Variants in PRKCE observed in about 807,000 individuals in gnomAD.
The protein encoded by PRKCE is protein kinase C epsilon.
A neutral mutation model predicts 85.4 loss-of-function variants in PRKCE; 16 were observed. The ratio of observed to expected loss-of-function variants is 0.19; its 90% confidence interval spans 0.13 to 0.28. The LOEUF (loss-of-function observed/expected upper bound fraction) is 0.28. PRKCE is among the 10% of genes least tolerant of loss of function. PRKCE has a pLI of 1.00. For synonymous variants in PRKCE, 388 were observed against 371.5 expected (o/e 1.04, Z -0.51); for missense variants, 573 against 975.2 (o/e 0.59, Z 5.49).
intron 2 of PRKCE, among the ~76,000 whole-genome samples, chr2:45,953,840 CG>C (rs1700794323): frequency 6.6e-6 from 1 of 152,128 alleles, no homozygotes; most frequent in African/African-American, 2.4e-5. Flanking sequence ...GTTGAGAGCC[CG>C]TGTTGTGCAA....
At chr2:46,055,390 G>A (rs1411541999) in intron 10 of PRKCE, among the ~76,000 whole-genome samples, 1 of 152,228 alleles carries the variant, frequency 6.6e-6, no homozygotes, top group Non-Finnish European at 1.5e-5. Context: ...CGAAGCGGCT[G>A]GCTAGTTCTA....
At chr2:45,850,224 T>C (rs968484242) in intron 2 of PRKCE, among the ~76,000 whole-genome samples, 4 of 152,248 alleles carry the variant, frequency 2.6e-5, no homozygotes, top group East Asian at 3.8e-4. Flanking sequence ...AGCGTAGATA[T>C]ATATTTCCTT....
intron 11 of PRKCE, among the ~76,000 whole-genome samples, chr2:46,113,447 A>C (rs749254340): frequency 7.9e-5 from 12 of 152,208 alleles, no homozygotes; most frequent in Non-Finnish European, 1.8e-4. Context: ...CAGGGGCCCA[A>C]ATCATAGATA....
intron 2 of PRKCE, among the ~76,000 whole-genome samples, chr2:45,953,854 T>G (rs2711293): frequency 0.77 from 117,762 of 152,126 alleles, 45,890 homozygotes; most frequent in South Asian, 0.88. Flanking sequence ...TTGTGCAATA[T>G]TAGTCCTAAT....
chr2:46,062,668 CTTTT>C (rs71394871), intron 10 of PRKCE, among the ~76,000 whole-genome samples: 1 of 73,260 alleles, frequency 1.4e-5, no homozygotes, highest in African/African-American at 6.0e-5. Flanking sequence ...AAAGCTCAGC[CTTTT>C]TTTTTTTTTT....
intron 2 of PRKCE, among the ~76,000 whole-genome samples, chr2:45,917,979 G>A (rs1010157930): frequency 1.3e-5 from 2 of 152,194 alleles, no homozygotes; most frequent in Non-Finnish European, 2.9e-5. Context: ...TGCGGGGCCC[G>A]CCAAGCCCAC....
intron 1 of PRKCE, chr2:45,675,937 A>G (rs1572906540): frequency 6.6e-6 from 1 of 151,984 alleles, no homozygotes; most frequent in South Asian, 2.1e-4. Flanking sequence ...CCCTTTTTCA[A>G]TAGTTGCTGC....
At chr2:45,958,855 T>A (rs1399057196) in intron 2 of PRKCE, among the ~76,000 whole-genome samples, 14 of 106,030 alleles carry the variant, frequency 1.3e-4, no homozygotes, top group Non-Finnish European at 2.4e-4. Flanking sequence ...TTTTTTTTTT[T>A]AATAGAATCC....
intron 2 of PRKCE, among the ~76,000 whole-genome samples, chr2:45,963,131 C>T (rs947799622): frequency 6.6e-6 from 1 of 151,712 alleles, no homozygotes; most frequent in East Asian, 1.9e-4. Flanking sequence ...GGGCCTGGGT[C>T]GATAGAAGGG....
At chr2:45,941,095 G>A (rs1278605608) in intron 2 of PRKCE, among the ~76,000 whole-genome samples, 1 of 124,692 alleles carries the variant, frequency 8.0e-6, no homozygotes, top group East Asian at 4.1e-4. Context: ...AAAGATGATA[G>A]GCACCTATTC....
At chr2:46,066,753 A>C (rs904777584) in intron 10 of PRKCE, among the ~76,000 whole-genome samples, 5 of 152,202 alleles carry the variant, frequency 3.3e-5, no homozygotes, top group Non-Finnish European at 5.9e-5. Context: ...CTTCACAGAC[A>C]GGAGGAGAAG....
rs561924667 is a variant in PRKCE at position 46,167,151 on chromosome 2, G to A, written c.2067+7399G>A. Among the ~76,000 whole-genome samples the A allele has an allele frequency of 9.2e-5, 14 of 152,264 alleles. No individual in the cohort carries two copies. In the South Asian group the frequency reaches 2.5e-3, roughly 27 times the overall value. On this transcript the variant is annotated intron_variant, in intron 14 of 14. Transcript: ENST00000306156. ...AAGAATCAAGAGTTAAGAATTGCAGGAGGTTGGTGTGATGTTTGGAGGCTG... is the reference window on the plus strand; with the variant it reads ...AAGAATCAAGAGTTAAGAATTGCAGAAGGTTGGTGTGATGTTTGGAGGCTG...
At position 45,976,537 on chromosome 2, in the gene PRKCE, C is replaced by G. The variant is rs1225886287; in HGVS notation, c.521C>G (p.Ala174Gly). 6.3e-7 allele frequency: 1 copy of G among 1,599,666 alleles called. No homozygotes were observed. The highest frequency in any genetic ancestry group is 8.5e-7 in the Non-Finnish European group (1 of 1,179,974). ...CAGGTCAACGGCCACAAGTTCATGG[C>G]CACCTATCTTCGGCAGCCCACCTAC... ...VHQVNGHKFM[A>G]TYLRQPTYCS... The change falls in exon 3 of 15, where the codon GCC becomes GGC. Residue 174 changes from alanine to glycine, a missense_variant. Ala to Gly is a moderately conservative substitution (Grantham distance 60). Transcript: ENST00000306156.
chr2:46,102,320 A>G (rs1384644137), intron 11 of PRKCE, among the ~76,000 whole-genome samples: 2 of 152,130 alleles, frequency 1.3e-5, no homozygotes, highest in Non-Finnish European at 2.9e-5. Flanking sequence ...TGATTTCCTC[A>G]CCTGTAGAAT....
At chr2:45,792,722 G>T (rs1421913910) in intron 1 of PRKCE, among the ~76,000 whole-genome samples, 6 of 152,200 alleles carry the variant, frequency 3.9e-5, no homozygotes, top group African/African-American at 1.2e-4. Context: ...ACTGGTTGTA[G>T]GATTAAATGA....
chr2:45,987,602 C>A lies in PRKCE; in HGVS notation c.823+2922C>A, dbSNP rs137981536. Among the ~76,000 whole-genome samples the A allele has an allele frequency of 4.6e-5, 7 of 152,084 alleles. No individual in the cohort carries two copies. In the East Asian group the frequency reaches 1.4e-3, roughly 29 times the overall value. On this transcript the variant is annotated intron_variant, in intron 6 of 14. Coordinates refer to ENST00000306156, the MANE Select transcript of PRKCE (RefSeq NM_005400.3). The stretch of plus-strand genomic sequence containing the variant: ...CCCCCCAACACACATGGCCTCCCCC[C>A]ACCAGCATCCCCACCACAGCAGCAC...
At chr2:46,078,530 A>G (rs1349547055) in intron 10 of PRKCE, among the ~76,000 whole-genome samples, 3 of 115,928 alleles carry the variant, frequency 2.6e-5, no homozygotes, top group Non-Finnish European at 5.3e-5. Flanking sequence ...ACAGAGCAGG[A>G]CCCTGTCTTG....
intron 1 of PRKCE, among the ~76,000 whole-genome samples, chr2:45,715,081 A>ACAGG (rs1679975775): frequency 6.6e-6 from 1 of 152,198 alleles, no homozygotes; most frequent in Non-Finnish European, 1.5e-5. Context: ...AAGCTTTTCC[A>ACAGG]CAGGCAGGCA....
intron 2 of PRKCE, among the ~76,000 whole-genome samples, chr2:45,921,461 G>T (rs767623881): frequency 6.6e-6 from 1 of 152,156 alleles, no homozygotes; most frequent in African/African-American, 2.4e-5. Flanking sequence ...CTTAAGTTTT[G>T]CATGTATTAG....
Sources: allele counts gnomAD v4.1 joint callset (sites outside exome capture counted in the v4.1 genomes callset), GRCh38; gene constraint gnomAD v4.1.1; transcripts MANE v1.5; gene names NCBI Gene and HGNC (gene_info 2026-07-23, HGNC 2026-07-21).